Variants in GLI3 observed in about 807,000 individuals in gnomAD.
GLI3 encodes transcription activator GLI3.
Under a neutral mutation model 100.8 loss-of-function variants are expected in GLI3, and 20 were observed. That is an observed-to-expected ratio of 0.20 (90% CI 0.14 to 0.29). GLI3 has a LOEUF of 0.29. GLI3 is among the 10% of genes least tolerant of loss of function. The pLI is 1.00. For missense variants in GLI3, 2,040 were observed against 2,128.5 expected (o/e 0.96, Z 0.82); for synonymous variants, 938 against 860.5 (o/e 1.09, Z -1.58).
chr7:42,133,240 T>C (rs995284165), intron 3 of GLI3, among the ~76,000 whole-genome samples: 6 of 152,222 alleles, frequency 3.9e-5, no homozygotes, highest in African/African-American at 9.6e-5. Context: ...CTTTGGCTCT[T>C]GGCAAAACTA....
chr7:42,103,359 C>T (rs1397427419), intron 3 of GLI3, among the ~76,000 whole-genome samples: 1 of 152,150 alleles, frequency 6.6e-6, no homozygotes, highest in Admixed American at 6.5e-5. Flanking sequence ...GTATCAAAAA[C>T]TTGTACACAT....
At chr7:42,233,363 T>C (rs1788730999) in intron 1 of GLI3, among the ~76,000 whole-genome samples, 1 of 152,044 alleles carries the variant, frequency 6.6e-6, no homozygotes, top group Non-Finnish European at 1.5e-5. Context: ...ACTGTGAGAG[T>C]CTACAGTGAT....
intron 10 of GLI3, among the ~76,000 whole-genome samples, chr7:41,981,882 C>A (rs1487458898): frequency 6.6e-6 from 1 of 152,216 alleles, no homozygotes; most frequent in African/African-American, 2.4e-5. Context: ...CTATTTATAC[C>A]GCACCCAGCT....
intron 2 of GLI3, chr7:42,151,636 A>G (rs1297916870): frequency 6.6e-6 from 1 of 152,230 alleles, no homozygotes; most frequent in Non-Finnish European, 1.5e-5. Context: ...CCGCTTCTCT[A>G]TGTTTAACAG....
At chr7:42,190,789 T>C (rs1787812301) in intron 2 of GLI3, among the ~76,000 whole-genome samples, 1 of 152,056 alleles carries the variant, frequency 6.6e-6, no homozygotes, top group South Asian at 2.1e-4. Flanking sequence ...AGATACTAAA[T>C]ACAATACTAG....
chr7:42,209,986 GAAAAA>G (rs749477443), intron 2 of GLI3, among the ~76,000 whole-genome samples: 5 of 33,268 alleles, frequency 1.5e-4, no homozygotes, highest in Non-Finnish European at 2.4e-4. Context: ...TTAAGAATCT[GAAAAA>G]AAAAAAAAAA....
intron 14 of GLI3, 28 bp downstream of exon 14, chr7:41,967,568 C>CAGAT: frequency 6.6e-7 from 1 of 1,512,180 alleles, no homozygotes; most frequent in Non-Finnish European, 9.2e-7. Flanking sequence ...AAACCCTGAG[C>CAGAT]AGATGCATGG....
At chr7:42,050,826 A>G (rs1784338182) in intron 4 of GLI3, among the ~76,000 whole-genome samples, 1 of 152,206 alleles carries the variant, frequency 6.6e-6, no homozygotes, top group African/African-American at 2.4e-5. Flanking sequence ...AAAATTCCAG[A>G]GTTGAGAAGA....
chr7:42,104,933 G>C (rs956623166), intron 3 of GLI3, among the ~76,000 whole-genome samples: 3 of 152,196 alleles, frequency 2.0e-5, no homozygotes, highest in Non-Finnish European at 4.4e-5. Flanking sequence ...AGAACTGTGA[G>C]AAATAAATTT....
At chr7:42,113,314 AC>A in intron 3 of GLI3, 2 of 616,302 alleles carry the variant, frequency 3.2e-6, no homozygotes, top group Middle Eastern at 3.0e-4. Context: ...AAGCCCGCAC[AC>A]CACCACATCC....
chr7:42,230,215 A>C (rs1788672208), intron 1 of GLI3, among the ~76,000 whole-genome samples: 1 of 151,980 alleles, frequency 6.6e-6, no homozygotes, highest in Admixed American at 6.6e-5. Flanking sequence ...TTTTTCCATA[A>C]TCAGGAAAGC....
At chr7:42,172,471 A>G (rs746289517) in intron 2 of GLI3, 23 of 655,482 alleles carry the variant, frequency 3.5e-5, no homozygotes, top group Non-Finnish European at 5.8e-5. Flanking sequence ...TTACACTAAA[A>G]AGTGTAAATG....
At chr7:42,233,630 C>G (rs1788735905) in intron 1 of GLI3, among the ~76,000 whole-genome samples, 2 of 152,216 alleles carry the variant, frequency 1.3e-5, no homozygotes, top group African/African-American at 2.4e-5. Context: ...GTCTACAGCT[C>G]TATTTCACAG....
At chr7:42,232,022 ATTAC>A (rs1788704402) in intron 1 of GLI3, among the ~76,000 whole-genome samples, 1 of 152,002 alleles carries the variant, frequency 6.6e-6, no homozygotes, top group African/African-American at 2.4e-5. Flanking sequence ...CTTATCCCCC[ATTAC>A]TTAATTAATT....
At chr7:42,188,871 T>G (rs923131338) in intron 2 of GLI3, among the ~76,000 whole-genome samples, 1 of 152,186 alleles carries the variant, frequency 6.6e-6, no homozygotes, top group South Asian at 2.1e-4. Context: ...CACAGGGGAT[T>G]TTGAAGGCAA....
chr7:42,152,578 T>C (rs963952544), intron 2 of GLI3: 12 of 204,020 alleles, frequency 5.9e-5, no homozygotes, highest in South Asian at 1.7e-4. Flanking sequence ...GAGTGAACTC[T>C]CCCTATTCAA....
At chr7:42,024,883 G>A (rs1254797319) in intron 9 of GLI3, among the ~76,000 whole-genome samples, 2 of 152,298 alleles carry the variant, frequency 1.3e-5, no homozygotes, top group East Asian at 3.9e-4. Flanking sequence ...TCAGGCTTGG[G>A]TCCAGGAGCT....
At chr7:42,021,478 G>A (rs1788940478) in intron 10 of GLI3, among the ~76,000 whole-genome samples, 1 of 151,904 alleles carries the variant, frequency 6.6e-6, no homozygotes. Flanking sequence ...CGAGACCATC[G>A]GCCACTGAAA....
At chr7:41,977,917 T>G in intron 11 of GLI3, 195 bp from the exon 12 acceptor site, 1 of 620,630 alleles carries the variant, frequency 1.6e-6, no homozygotes, top group Non-Finnish European at 2.9e-6. Flanking sequence ...ATAAAGAGTT[T>G]TCAGTGCCAG....
Sources: gnomAD v4.1 joint callset for allele counts (sites outside exome capture counted in the v4.1 genomes callset) on GRCh38, gnomAD v4.1.1 for gene constraint, MANE v1.5 for transcripts, NCBI Gene and HGNC (gene_info 2026-07-23, HGNC 2026-07-21) for gene names.